Variants in COL18A1 observed in about 807,000 individuals in gnomAD.
COL18A1 encodes the protein collagen alpha-1(XVIII) chain.
A neutral mutation model predicts 168.0 loss-of-function variants in COL18A1; 133 were observed. The observed-to-expected ratio is 0.79, with a 90% CI of 0.69 to 0.91. The LOEUF (loss-of-function observed/expected upper bound fraction) is 0.91. Among genes scored for constraint, COL18A1 ranks in the 40% least tolerant of loss-of-function variants. COL18A1 has a pLI of 0.00. For missense variants in COL18A1, 2,126 were observed against 1,925.4 expected, an observed-to-expected ratio of 1.10 and a Z score of -1.95; for synonymous variants, 949 against 809.0, an observed-to-expected ratio of 1.17 and a Z score of -2.94.
At chr21:45,479,391 C>T (rs1178531664) in intron 9 of COL18A1, among the ~76,000 whole-genome samples, 2 of 151,986 alleles carry the variant, frequency 1.3e-5, no homozygotes, top group South Asian at 2.1e-4. Flanking sequence ...GACGCATGCA[C>T]ACATGCTACA....
At chr21:45,472,347 C>G (rs8132284) in intron 3 of COL18A1, among the ~76,000 whole-genome samples, 2,957 of 152,248 alleles carry the variant, frequency 0.019, 95 homozygotes, top group African/African-American at 0.067. Flanking sequence ...CCTCAGCCTC[C>G]CAAGTAGCTG....
In COL18A1 at chr21:45,405,315, TCGGCCGGGTCCTGCGGGGGTC is replaced by T. The variant is rs2033051387; in HGVS notation, c.12-63_12-43del. Reference sequence around the variant, plus strand: ...GCGGGGGTCGCGGGGGTCGCGGGGCTCGGCCGGGTCCTGCGGGGGTCGCGGGGGTCCTGCGGGGTCTGACCC... The same window carrying T: ...GCGGGGGTCGCGGGGGTCGCGGGGCTGCGGGGGTCCTGCGGGGTCTGACCC... On this transcript the variant is annotated intron_variant, in intron 1 of 41. Transcript: ENST00000651438. 6 of 629,250 alleles carry T rather than the reference TCGGCCGGGTCCTGCGGGGGTC, an allele frequency of 9.5e-6. No individual in the cohort carries two copies. In the African/African-American group the frequency reaches 1.2e-4, roughly 13 times the overall value. 39.0% of individuals were successfully genotyped at this position (629,250 alleles called of 1,614,324 possible).
At chr21:45,509,904 G>C (rs1568951923) in intron 39 of COL18A1, among the ~76,000 whole-genome samples, 160 bp from the exon 40 acceptor site, 1 of 152,178 alleles carries the variant, frequency 6.6e-6, no homozygotes, top group African/African-American at 2.4e-5. Context: ...GCGTATGGGG[G>C]CTGCTGCCTG....
rs1422030459 is a variant in COL18A1 at position 45,437,444 on chromosome 21, ACT to A, written c.107-30796_107-30795del. On this transcript the variant is annotated intron_variant, in intron 2 of 41. Coordinates refer to ENST00000651438, the MANE Select transcript of COL18A1 (RefSeq NM_001379500.1). ...CACAGGCACTCTCCTGCACACACAC[ACT>A]CACTCACAGACAGACACACAGGCAC... Among the ~76,000 whole-genome samples, 171 of 39,452 alleles carry A rather than the reference ACT, an allele frequency of 4.3e-3. 1 individual carries two copies. The highest frequency in any genetic ancestry group is 0.018 in the Middle Eastern group (1 of 56). The allele number at this position is 39,452 out of a possible 152,430, so 25.9% of individuals were successfully genotyped here.
In COL18A1 at chr21:45,434,890, C is replaced by T. The variant is rs527660779; in HGVS notation, c.106+29417C>T. On this transcript the variant is annotated intron_variant, in intron 2 of 41. Coordinates refer to ENST00000651438, the MANE Select transcript of COL18A1 (RefSeq NM_001379500.1). ...GGGTGACCCAGGGCCTTTGAACAGC[C>T]GGTCCTAGACCAGGCCCTGGTTCCT... 5.9e-5 allele frequency among the ~76,000 whole-genome samples: 9 copies of T among 152,274 alleles called. 1 individual carries two copies. The South Asian group carries it at 1.0e-3, about 18-fold the overall frequency.
intron 35 of COL18A1, 35 bp from the exon 36 acceptor site, chr21:45,505,323 G>A: frequency 1.3e-6 from 2 of 1,597,600 alleles, no homozygotes; most frequent in Non-Finnish European, 1.7e-6. Context: ...CGCCTCGTGT[G>A]GCTTCGTGTT....
chr21:45,504,082 G>T (rs749558448), intron 33 of COL18A1, 28 bp downstream of exon 33: 6 of 1,612,614 alleles, frequency 3.7e-6, no homozygotes, highest in East Asian at 2.2e-5. Context: ...GGGGTTGGGG[G>T]CCCCCAAGGT....
Position 45,456,260 on chromosome 21 carries a change from G to A in COL18A1, c.107-11982G>A, listed in dbSNP as rs756222197. 1.3e-4 allele frequency: 205 copies of A among 1,580,700 alleles called. 1 individual carries two copies. Among genetic ancestry groups the A allele is most frequent in the Middle Eastern group, 1.7e-4 (1 of 6,036 alleles). ...CCCAGACAGCCAAGGACTCTCGCCC[G>A]CCGCAGCCGCTCCCAGCCAGCAGCT... On this transcript the variant is annotated intron_variant, in intron 2 of 41. Transcript: ENST00000651438.
chr21:45,456,574 C>T (rs1421535698), intron 2 of COL18A1: 2 of 1,544,548 alleles, frequency 1.3e-6, no homozygotes, highest in Non-Finnish European at 1.7e-6. Context: ...GCCACCTGGG[C>T]ATCTCACGCT....
At chr21:45,458,212 G>C (rs1489499482) in intron 2 of COL18A1, among the ~76,000 whole-genome samples, 1 of 151,890 alleles carries the variant, frequency 6.6e-6, no homozygotes, top group Non-Finnish European at 1.5e-5. Context: ...GGCCCTTGTG[G>C]ATGCGCCCCA....
At chr21:45,476,936 T>C (rs112149974) in intron 6 of COL18A1, among the ~76,000 whole-genome samples, 7,024 of 151,610 alleles carry the variant, frequency 0.046, 227 homozygotes, top group African/African-American at 0.089. Flanking sequence ...TGTGTGTGTG[T>C]GTGTGTGTGT....
intron 2 of COL18A1, among the ~76,000 whole-genome samples, chr21:45,435,538 G>T (rs1459866111): frequency 6.6e-6 from 1 of 152,066 alleles, no homozygotes; most frequent in East Asian, 1.9e-4. Context: ...CCCACCCTCT[G>T]AGCCCCAGCT....
At chr21:45,479,443 ACAC>A (rs941648281) in intron 9 of COL18A1, among the ~76,000 whole-genome samples, 29 of 152,074 alleles carry the variant, frequency 1.9e-4, no homozygotes, top group Middle Eastern at 3.2e-3. Flanking sequence ...CACACACACC[ACAC>A]ATTACACATA....
rs2035506478 is a variant in COL18A1, at chr21:45,473,091, G to A, written c.652-804G>A. Among the ~76,000 whole-genome samples the A allele has an allele frequency of 2.6e-5, 4 of 152,246 alleles. No individual in the cohort carries two copies. The highest frequency in any genetic ancestry group is 9.6e-5 in the African/African-American group (4 of 41,470). On this transcript the variant is annotated intron_variant, in intron 3 of 41. Transcript: ENST00000651438. This position sits in a 1 kb window ranked among gnomAD's most constrained non-coding sequence, Gnocchi z 4.0. ...TGGTACTGTGCGCAGCCCCCACCTGGCAGCCCCTTTTCCTGTCAAAGCCCC... is the reference window on the plus strand; with the variant it reads ...TGGTACTGTGCGCAGCCCCCACCTGACAGCCCCTTTTCCTGTCAAAGCCCC...
chr21:45,461,658 G>A (rs2035054329), intron 2 of COL18A1, among the ~76,000 whole-genome samples: 1 of 152,100 alleles, frequency 6.6e-6, no homozygotes, highest in South Asian at 2.1e-4. Context: ...CTAGACCTCA[G>A]CCCCTGACAA....
intron 3 of COL18A1, among the ~76,000 whole-genome samples, chr21:45,472,425 A>T (rs951563008): frequency 6.6e-6 from 1 of 152,084 alleles, no homozygotes; most frequent in Non-Finnish European, 1.5e-5. Flanking sequence ...GGGTTTCCCC[A>T]TGGTCTCAAT....
chr21:45,479,431 TGC>T (rs781552263), intron 9 of COL18A1, among the ~76,000 whole-genome samples: 46 of 151,484 alleles, frequency 3.0e-4, no homozygotes, highest in Non-Finnish European at 5.9e-4. Flanking sequence ...CGTGGACACA[TGC>T]ACACACACCA....
Position 45,506,300 on chromosome 21 carries a change from G to C in COL18A1, c.3216+334G>C, listed in dbSNP as rs192294989. 1.7e-3 allele frequency: 630 copies of C among 374,178 alleles called. 3 individuals carry two copies. Among genetic ancestry groups the C allele is most frequent in the African/African-American group, 0.012 (594 of 47,710 alleles). The allele number at this position is 374,178 out of a possible 1,614,324, so 23.2% of individuals were successfully genotyped here. A position where few individuals can be genotyped will look rare whatever the true frequency, so the allele number is the denominator to read the frequency against. ...AGGCGCCTGACGGGACGAGGCGGCA[G>C]GGGGGCTCAGGCCCTCCAGGGCCAC... On this transcript the variant is annotated intron_variant, in intron 37 of 41. Coordinates refer to ENST00000651438, the MANE Select transcript of COL18A1 (RefSeq NM_001379500.1).
intron 2 of COL18A1, among the ~76,000 whole-genome samples, chr21:45,465,907 C>A (rs1020113686): frequency 1.3e-5 from 2 of 152,130 alleles, no homozygotes; most frequent in African/African-American, 4.8e-5. Flanking sequence ...TTGGGTGTGG[C>A]CCTCGAGGAC....
Sources: allele counts gnomAD v4.1 joint callset (sites outside exome capture counted in the v4.1 genomes callset), GRCh38; gene constraint gnomAD v4.1.1; non-coding constraint Gnocchi (gnomAD v3.1); transcripts MANE v1.5; gene names NCBI Gene and HGNC (gene_info 2026-07-23, HGNC 2026-07-21).